Variants in AUP1 observed in about 807,000 individuals in gnomAD.
AUP1 encodes the protein AUP1 lipid droplet regulating VLDL assembly factor, also known as lipid droplet-regulating VLDL assembly factor AUP1.
AUP1 carries 30 observed loss-of-function variants against 51.8 expected under a neutral mutation model. The ratio of observed to expected loss-of-function variants is 0.58; its 90% CI spans 0.43 to 0.79. The LOEUF (loss-of-function observed/expected upper bound fraction) is 0.79. Ranked by LOEUF, AUP1 falls within the 30% of genes least tolerant of loss-of-function variation. The pLI, the probability that AUP1 is intolerant of heterozygous loss-of-function variation, is 0.00. For synonymous variants in AUP1, 227 were observed against 209.0 expected, an observed-to-expected ratio of 1.09 and a Z score of -0.74; for missense variants, 492 against 517.1, an observed-to-expected ratio of 0.95 and a Z score of 0.47.
Position 74,529,599 on chromosome 2 carries a change from G to A in AUP1, c.31C>T (p.Arg11Trp), listed in dbSNP as rs1257959433. The A allele has an allele frequency of 1.3e-6, 2 of 1,567,772 alleles. No homozygotes were observed. Among genetic ancestry groups the A allele is most frequent in the South Asian group, 1.2e-5 (1 of 85,866 alleles). The change falls in exon 1 of 12, where the codon CGG becomes TGG. Residue 11 changes from arginine (R) to tryptophan (W), a missense_variant. Coordinates refer to ENST00000377526, the MANE Select transcript of AUP1 (RefSeq NM_181575.5). ...TCTTACCGGTGCGAGTCAAAGAGCC[G>A]CTCCGGCCCCGGCCCTGAGGGAAGC... is the stretch of plus-strand genomic sequence containing the variant. MELPSGPGPERLFDSHRLPGD... is the reference protein window; with the variant it reads MELPSGPGPEWLFDSHRLPGD...
Position 74,529,134 on chromosome 2 carries a change from T to C in AUP1, c.337A>G (p.Thr113Ala), listed in dbSNP as rs1468203648. 3 of 1,614,082 alleles carry C rather than the reference T, an allele frequency of 1.9e-6. No individual in the cohort carries two copies. The African/African-American group carries it at 4.0e-5, about 22-fold the overall frequency. ...NIVNLLTTCS[T>A]PLLNSPPSFV... ...CTCTCGGCCTCGCTCTCACTCACGG[T>C]GCTACAGGTGGTAAGCAAATTGACT... The change falls in exon 3 of 12, where the codon ACC becomes GCC. Residue 113 changes from threonine to alanine, a missense_variant and splice_region_variant. Coordinates refer to ENST00000377526, the MANE Select transcript of AUP1 (RefSeq NM_181575.5).
intron 9 of AUP1, 34 bp from the exon 10 acceptor site, chr2:74,527,397 C>T: frequency 6.2e-7 from 1 of 1,612,362 alleles, no homozygotes; most frequent in Non-Finnish European, 8.5e-7. Context: ...CCACTCCCTA[C>T]TTACTTTCTT....
At position 74,529,566 on chromosome 2, in the gene AUP1, G is replaced by T. The variant is rs1392976764; in HGVS notation, c.50+14C>A. The T allele has an allele frequency of 1.3e-6, 2 of 1,557,450 alleles. No homozygotes were observed. Among genetic ancestry groups the T allele is most frequent in the Non-Finnish European group, 1.7e-6 (2 of 1,148,262 alleles). On this transcript the variant is annotated intron_variant, in intron 1 of 11. Transcript: ENST00000377526. ...AGCACGCGGGGATCGGTCTCTTCCC[G>T]CCGGGTCTCTTACCGGTGCGAGTCA...
intron 11 of AUP1, 43 bp from the exon 12 acceptor site, chr2:74,526,879 T>G: frequency 6.2e-7 from 1 of 1,604,206 alleles, no homozygotes; most frequent in Non-Finnish European, 8.5e-7. Flanking sequence ...TTTGCCGTAG[T>G]AGCTCCATAA....
rs758925268 is a variant in AUP1 at position 74,528,721 on chromosome 2, G to A, written c.524+30C>T. 1.9e-6 allele frequency: 3 copies of A among 1,555,694 alleles called. No homozygotes were observed. In the African/African-American group the frequency reaches 4.1e-5, roughly 21 times the overall value. On this transcript the variant is annotated intron_variant, in intron 4 of 11. Coordinates refer to ENST00000377526, the MANE Select transcript of AUP1 (RefSeq NM_181575.5). ...GCCCACAAGCTTGACCACCTACCCA[G>A]CTGGCGCCCCATACCTGTGCTAAAC...
rs1675413798 is a variant in AUP1 at position 74,529,560 on chromosome 2, C to G, written c.50+20G>C. The G allele has an allele frequency of 6.4e-7, 1 of 1,554,992 alleles. No homozygotes were observed. The highest frequency in any genetic ancestry group is 1.4e-5 in the African/African-American group (1 of 73,560). On this transcript the variant is annotated intron_variant, in intron 1 of 11. Transcript: ENST00000377526. ...GCCGAGAGCACGCGGGGATCGGTCT[C>G]TTCCCGCCGGGTCTCTTACCGGTGC...
In AUP1 at chr2:74,526,768, G is replaced by A. The variant is rs770051300; in HGVS notation, c.*32C>T. 2.6e-6 allele frequency: 4 copies of A among 1,518,880 alleles called. No homozygotes were observed. The highest frequency in any genetic ancestry group is 2.3e-5 in the East Asian group (1 of 44,010). 94.1% of individuals were successfully genotyped at this position (1,518,880 alleles called of 1,614,324 possible). On this transcript the variant is annotated 3_prime_UTR_variant, in exon 12 of 12. Coordinates refer to ENST00000377526, the MANE Select transcript of AUP1 (RefSeq NM_181575.5). Reference sequence around the variant, plus strand: ...GAGGGCTGCCCCCAGTCTCCGTCCTGCGGCTCTGGGTGCCATCCTGTTCCT... The same window carrying A: ...GAGGGCTGCCCCCAGTCTCCGTCCTACGGCTCTGGGTGCCATCCTGTTCCT...
intron 3 of AUP1, 98 bp from the exon 4 acceptor site, chr2:74,529,033 C>T: frequency 6.2e-7 from 1 of 1,605,520 alleles, no homozygotes; most frequent in Non-Finnish European, 8.5e-7. Context: ...AGGGGTAAGG[C>T]TCAGTATCCT....
At position 74,528,591 on chromosome 2, in the gene AUP1, T is replaced by C. The variant is rs1675317653; in HGVS notation, c.525-102A>G. 14 of 1,394,158 alleles carry C rather than the reference T, an allele frequency of 1.0e-5. No homozygotes were observed. In the South Asian group the frequency reaches 1.2e-4, roughly 12 times the overall value. The allele number at this position is 1,394,158 out of a possible 1,614,324, so 86.4% of individuals were successfully genotyped here. A position where few individuals can be genotyped will look rare whatever the true frequency, so the allele number is the denominator to read the frequency against. ...ACTGTCAAACTCTACAAGCACATAA[T>C]TGAAGAATGAAGGGATTCAGGAGAA... On this transcript the variant is annotated intron_variant, in intron 4 of 11. Transcript: ENST00000377526.
At position 74,528,333 on chromosome 2, in the gene AUP1, G is replaced by A. The variant is rs1430661768; in HGVS notation, c.598-12C>T. On this transcript the variant is annotated splice_polypyrimidine_tract_variant and intron_variant, in intron 5 of 11. Transcript: ENST00000377526. ...GCATCTGACACCGTCTGAGGGGAGGGCATGAGATGAGGCCTAAGCCAGGGC... is the reference window on the plus strand; with the variant it reads ...GCATCTGACACCGTCTGAGGGGAGGACATGAGATGAGGCCTAAGCCAGGGC... 6 of 1,613,892 alleles carry A rather than the reference G, an allele frequency of 3.7e-6. No individual in the cohort carries two copies. In the African/African-American group the frequency reaches 8.0e-5, roughly 22 times the overall value.
In AUP1 at chr2:74,529,242, C is replaced by T; in HGVS notation, c.229G>A (p.Ala77Thr). The T allele has an allele frequency of 6.2e-7, 1 of 1,614,212 alleles. No homozygotes were observed. The highest frequency in any genetic ancestry group is 8.5e-7 in the Non-Finnish European group (1 of 1,180,034). Residue 77 changes from alanine to threonine, a missense_variant, in exon 3 of 12, where the codon GCC becomes ACC. Coordinates refer to ENST00000377526, the MANE Select transcript of AUP1 (RefSeq NM_181575.5). ...RTMCAVLGLV[A>T]RQEDSGLRDH... The stretch of plus-strand genomic sequence containing the variant: ...CGGAGTCCGGAGTCCTCCTGCCGGG[C>T]CACGAGCCCTAGCACCGCACACATG...
chr2:74,528,586 C>T lies in AUP1; in HGVS notation c.525-97G>A, dbSNP rs895610208. 8.6e-6 allele frequency: 12 copies of T among 1,399,654 alleles called. 1 individual carries two copies. In the Middle Eastern group the frequency reaches 1.3e-3, roughly 147 times the overall value. 86.7% of individuals were successfully genotyped at this position (1,399,654 alleles called of 1,614,324 possible). A position where few individuals can be genotyped will look rare whatever the true frequency, so the allele number is the denominator to read the frequency against. On this transcript the variant is annotated intron_variant, in intron 4 of 11. Coordinates refer to ENST00000377526, the MANE Select transcript of AUP1 (RefSeq NM_181575.5). ...AGGCAACTGTCAAACTCTACAAGCA[C>T]ATAATTGAAGAATGAAGGGATTCAG...
In AUP1 at chr2:74,528,840, G is replaced by A. The variant is rs1461037422; in HGVS notation, c.435C>T (p.Phe145=). The change falls in exon 4 of 12, where the codon TTC becomes TTT. Residue 145 remains phenylalanine (F), a synonymous_variant. Coordinates refer to ENST00000377526, the MANE Select transcript of AUP1 (RefSeq NM_181575.5). ...TGGGGGGAAGCCTCGTGGAAGCACA[G>A]AATCTCTTGAGTGACTCCACCAACT... ...RGELVESLKR[F]CASTRLPPTP... is the part of the protein sequence containing the mutation. 1.3e-5 allele frequency: 21 copies of A among 1,614,144 alleles called. No homozygotes were observed. The highest frequency in any genetic ancestry group is 1.7e-5 in the Non-Finnish European group (20 of 1,180,010).
Position 74,529,201 on chromosome 2 carries a change from C to G in AUP1, c.270G>C (p.Arg90Ser), listed in dbSNP as rs749701538. Residue 90 changes from arginine (R) to serine (S), a missense_variant, in exon 3 of 12, where the codon AGG (arginine) becomes AGC (serine). Transcript: ENST00000377526. Reference sequence around the variant, plus strand: ...GTGTCACATGGTTGGAAATGAGGACCCTGACACTGTGATCCCGGAGTCCGG... The same window carrying G: ...GTGTCACATGGTTGGAAATGAGGACGCTGACACTGTGATCCCGGAGTCCGG... ...EDSGLRDHSV[R>S]VLISNHVTPF... is the part of the protein sequence containing the mutation. 3.4e-5 allele frequency: 55 copies of G among 1,614,084 alleles called. No individual in the cohort carries two copies. Among genetic ancestry groups the G allele is most frequent in the Non-Finnish European group, 4.3e-5 (51 of 1,180,034 alleles).
chr2:74,529,373 G>A lies in AUP1; in HGVS notation c.177C>T (p.Ser59=), dbSNP rs750726884. 14 of 1,610,650 alleles carry A rather than the reference G, an allele frequency of 8.7e-6. No individual in the cohort carries two copies. The East Asian group carries it at 2.5e-4, about 28-fold the overall frequency. The change falls in exon 2 of 12, where the codon AGC becomes AGT. Residue 59 remains serine, a synonymous_variant. Transcript: ENST00000377526. ...VFLVSCALPD[S]VLRRFVVRTM... ...GCCCGCGTCGGAACCTGCGAAGGAC[G>A]CTGTCTGGCAGCGCGCAGCTGACCA...
Position 74,526,951 on chromosome 2 carries a change from A to G in AUP1, c.1186T>C (p.Tyr396His). 6.2e-7 allele frequency: 1 copy of G among 1,614,084 alleles called. No homozygotes were observed. The highest frequency in any genetic ancestry group is 1.3e-5 in the African/African-American group (1 of 75,048). ...CTCTAACCCCCTCACCTTCTTGCGT[A>G]TTCATATAGTGCTTGCTTGCGCTCC... ...LQERKQALYE[Y>H]ARRRFTERRA... Residue 396 changes from tyrosine (Y) to histidine (H), a missense_variant, in exon 11 of 12, where the codon TAC (tyrosine) becomes CAC (histidine). Tyr to His is a moderately conservative substitution (Grantham distance 83). Coordinates refer to ENST00000377526, the MANE Select transcript of AUP1 (RefSeq NM_181575.5).
chr2:74,529,210 G>C lies in AUP1; in HGVS notation c.261C>G (p.His87Gln). Residue 87 changes from histidine (H) to glutamine (Q), a missense_variant, in exon 3 of 12, where the codon CAC (histidine) becomes CAG (glutamine). Transcript: ENST00000377526. ...GGTTGGAAATGAGGACCCTGACACTGTGATCCCGGAGTCCGGAGTCCTCCT... is the reference window on the plus strand; with the variant it reads ...GGTTGGAAATGAGGACCCTGACACTCTGATCCCGGAGTCCGGAGTCCTCCT... ...ARQEDSGLRDHSVRVLISNHV... is the reference protein window; with the variant it reads ...ARQEDSGLRDQSVRVLISNHV... 1 of 1,614,224 alleles carries C rather than the reference G, an allele frequency of 6.2e-7. No individual in the cohort carries two copies.
rs779214622 is a variant in AUP1, at chr2:74,527,233, T to A, written c.1077+15A>T. Reference sequence around the variant, plus strand: ...TCACCCCAACACTTGGATCTGACCATTTCCTGGGTCTCACCTTGGAGGCAG... The same window carrying A: ...TCACCCCAACACTTGGATCTGACCAATTCCTGGGTCTCACCTTGGAGGCAG... On this transcript the variant is annotated intron_variant, in intron 10 of 11. Coordinates refer to ENST00000377526, the MANE Select transcript of AUP1 (RefSeq NM_181575.5). 2 of 1,611,454 alleles carry A rather than the reference T, an allele frequency of 1.2e-6. No individual in the cohort carries two copies. The highest frequency in any genetic ancestry group is 1.7e-6 in the Non-Finnish European group (2 of 1,178,530).
Position 74,527,986 on chromosome 2 carries a change from C to T in AUP1, c.692G>A (p.Arg231His), listed in dbSNP as rs879539638. 1.2e-5 allele frequency: 20 copies of T among 1,614,028 alleles called. No individual in the cohort carries two copies. The highest frequency in any genetic ancestry group is 2.2e-5 in the East Asian group (1 of 44,898). Reference protein sequence around the residue: ...YQVRWLRPVHRQLGEANEEFA... With the variant: ...YQVRWLRPVHHQLGEANEEFA... ...CTCCTCATTCGCTTCCCCTAGTTGG[C>T]GATGAACAGGACGAAGCCACCTGCA... The change falls in exon 7 of 12, where the codon CGC becomes CAC. Residue 231 changes from arginine (R) to histidine (H), a missense_variant. By Grantham distance (29) the Arg-to-His change is conservative. Transcript: ENST00000377526.
Sources: gnomAD v4.1 joint callset for allele counts on GRCh38, gnomAD v4.1.1 for gene constraint, MANE v1.5 for transcripts, NCBI Gene and HGNC (gene_info 2026-07-23, HGNC 2026-07-21) for gene names.